Variants in PPP2R5C observed in about 807,000 individuals in gnomAD.
The protein encoded by PPP2R5C is protein phosphatase 2 regulatory subunit B'gamma, also known as serine/threonine-protein phosphatase 2A 56 kDa regulatory subunit gamma isoform.
PPP2R5C carries 7 observed loss-of-function variants against 68.9 expected under a neutral mutation model. The ratio of observed to expected loss-of-function variants is 0.10; its 90% CI spans 0.06 to 0.19. PPP2R5C has a LOEUF of 0.19. Among genes scored for constraint, PPP2R5C ranks in the 10% least tolerant of loss-of-function variants. PPP2R5C has a pLI of 1.00. For missense variants in PPP2R5C, 348 were observed against 641.3 expected (o/e 0.54, Z 4.94); for synonymous variants, 210 against 222.2 (o/e 0.95, Z 0.49).
At chr14:101,856,585 T>A in intron 1 of PPP2R5C, 101 bp from the exon 4 acceptor site, 1 of 1,140,930 alleles carries the variant, frequency 8.8e-7, no homozygotes, top group Non-Finnish European at 1.3e-6. Context: ...TTTTCTTGAA[T>A]CTCTATTCAA....
In PPP2R5C at chr14:101,917,838, T is replaced by A; in HGVS notation, c.1334T>A (p.Val445Glu). ...CCACGCTTTGCATTGCAGTACACAGTGTATAGTCAAGCCAGCACCATGAGC... is the reference window on the plus strand; with the variant it reads ...CCACGCTTTGCATTGCAGTACACAGAGTATAGTCAAGCCAGCACCATGAGC... The change falls in exon 13 of 14, where the codon GTG (valine) becomes GAG (glutamate). Residue 445 changes from valine to glutamate, a missense_variant. Physicochemically the swap from Val to Glu is moderately radical, Grantham distance 121. Coordinates refer to ENST00000334743, the Ensembl canonical transcript of PPP2R5C. This position sits in a 1 kb window ranked among gnomAD's most constrained non-coding sequence, Gnocchi z 4.4. The A allele has an allele frequency of 6.2e-7, 1 of 1,613,452 alleles. No individual in the cohort carries two copies. The highest frequency in any genetic ancestry group is 8.5e-7 in the Non-Finnish European group (1 of 1,179,580).
chr14:101,837,301 G>A lies in PPP2R5C; in HGVS notation c.95-19385G>A, dbSNP rs1226036293. Reference sequence around the variant, plus strand: ...TGGGATTACAGTCATGCACCACCACGCCCAGCTCATTTTGTATTTTTTTTT... The same window carrying A: ...TGGGATTACAGTCATGCACCACCACACCCAGCTCATTTTGTATTTTTTTTT... On this transcript the variant is annotated intron_variant, in intron 1 of 13. Coordinates refer to ENST00000334743, the Ensembl canonical transcript of PPP2R5C. Among the ~76,000 whole-genome samples the A allele has an allele frequency of 2.0e-5, 3 of 148,350 alleles. No individual in the cohort carries two copies. The East Asian group carries it at 5.9e-4, about 29-fold the overall frequency.
intron 13 of PPP2R5C, among the ~76,000 whole-genome samples, chr14:101,919,796 C>T (rs1299146426): frequency 6.6e-6 from 1 of 151,978 alleles, no homozygotes; most frequent in African/African-American, 2.4e-5. Context: ...GGGGAAACCC[C>T]ATCTCTACTA....
chr14:101,909,444 C>T (rs1013340671), intron 10 of PPP2R5C, 145 bp from the exon 13 acceptor site: 5 of 458,334 alleles, frequency 1.1e-5, no homozygotes, highest in African/African-American at 1.9e-5. Flanking sequence ...AAACAAGTAA[C>T]GCGGAATGAG....
chr14:101,861,816 T>G (rs2042756639), intron 2 of PPP2R5C, among the ~76,000 whole-genome samples: 1 of 152,196 alleles, frequency 6.6e-6, no homozygotes, highest in South Asian at 2.1e-4. Context: ...TTGGCAGGCA[T>G]CTTCTGAAAA....
upstream of PPP2R5C, chr14:101,761,827 G>T: frequency 2.0e-6 from 2 of 985,344 alleles, no homozygotes; most frequent in South Asian, 4.5e-5. Context: ...GGCCGGGGCG[G>T]GGGCGCTGCT....
Position 101,917,673 on chromosome 14 carries a change from C to T in PPP2R5C, c.1327-158C>T, listed in dbSNP as rs866130572. 3.5e-5 allele frequency: 31 copies of T among 891,388 alleles called. No individual in the cohort carries two copies. In the South Asian group the frequency reaches 5.0e-4, roughly 14 times the overall value. 55.2% of individuals were successfully genotyped at this position (891,388 alleles called of 1,614,324 possible). A position where few individuals can be genotyped will look rare whatever the true frequency, so the allele number is the denominator to read the frequency against. On this transcript the variant is annotated intron_variant, in intron 12 of 13. Transcript: ENST00000334743. The surrounding 1 kb of genome is among the most constrained non-coding windows in gnomAD (Gnocchi z 4.4). ...TTCTGGTTTCAGAAGTCAGCAGCCGCATCATGTTGCAGGTGTAGGCGAGTC... is the reference window on the plus strand; with the variant it reads ...TTCTGGTTTCAGAAGTCAGCAGCCGTATCATGTTGCAGGTGTAGGCGAGTC...
rs529328940 is a variant in PPP2R5C, at chr14:101,861,133, A to G, written c.294+4248A>G. Reference sequence around the variant, plus strand: ...CTAATTGTAGCTTTTAAAAAACTCAATGTAGTAAAAGTAAAGCTGCTTTGT... The same window carrying G: ...CTAATTGTAGCTTTTAAAAAACTCAGTGTAGTAAAAGTAAAGCTGCTTTGT... On this transcript the variant is annotated intron_variant, in intron 2 of 13. Coordinates refer to ENST00000334743, the Ensembl canonical transcript of PPP2R5C. Among the ~76,000 whole-genome samples, 13 of 152,360 alleles carry G rather than the reference A, an allele frequency of 8.5e-5. No homozygotes were observed. In the East Asian group the frequency reaches 9.6e-4, roughly 11 times the overall value.
chr14:101,883,692 C>A, intron 5 of PPP2R5C, 130 bp downstream of exon 7: 1 of 1,251,736 alleles, frequency 8.0e-7, no homozygotes, highest in Non-Finnish European at 1.1e-6. Context: ...GCCTATTTGT[C>A]ATGTGCAGGT....
rs1229939027 is a variant in PPP2R5C, at chr14:101,847,745, C to T, written c.95-8941C>T. ...TGGCGTGATCTCAGCTCACTGCAAC[C>T]TCCGCCTCCTGGGTTCAAGCGATTC... On this transcript the variant is annotated intron_variant, in intron 1 of 13. Coordinates refer to ENST00000334743, the Ensembl canonical transcript of PPP2R5C. Among the ~76,000 whole-genome samples the T allele has an allele frequency of 8.0e-5, 12 of 150,762 alleles. No homozygotes were observed. The East Asian group carries it at 1.6e-3, about 20-fold the overall frequency.
chr14:101,765,119 A>G (rs979649422), intron 2 of PPP2R5C: 45 of 702,394 alleles, frequency 6.4e-5, no homozygotes, highest in Non-Finnish European at 1.1e-4. Context: ...GTGCCTGAGT[A>G]TGATGCCCCA....
At chr14:101,765,108 A>C (rs115849581) in intron 2 of PPP2R5C, 144 of 701,540 alleles carry the variant, frequency 2.1e-4, no homozygotes, top group Non-Finnish European at 3.2e-4. Context: ...TGTGGCCTGC[A>C]GTGCCTGAGT....
chr14:101,925,415 C>T, exon 14 of PPP2R5C: 2 of 1,359,774 alleles, frequency 1.5e-6, no homozygotes, highest in South Asian at 1.5e-5. Flanking sequence ...GCGTCCGCCT[C>T]AGCGCGAGAT....
In PPP2R5C at chr14:101,891,856, A is replaced by G. The variant is rs543952952; in HGVS notation, c.690-1144A>G. Among the ~76,000 whole-genome samples the G allele has an allele frequency of 2.5e-4, 38 of 152,366 alleles. No individual in the cohort carries two copies. Among genetic ancestry groups the G allele is most frequent in the Non-Finnish European group, 4.7e-4 (32 of 68,028 alleles). On this transcript the variant is annotated intron_variant, in intron 6 of 13. Coordinates refer to ENST00000334743, the Ensembl canonical transcript of PPP2R5C. This position sits in a 1 kb window ranked among gnomAD's most constrained non-coding sequence, Gnocchi z 4.9. Reference sequence around the variant, plus strand: ...CTCCCGTTTGCCTAATTACAAAACCAAGACAATAAACTAGTTGTTTGAGAC... The same window carrying G: ...CTCCCGTTTGCCTAATTACAAAACCGAGACAATAAACTAGTTGTTTGAGAC...
chr14:101,924,751 G>C (rs1031783533), intron 13 of PPP2R5C, among the ~76,000 whole-genome samples: 2 of 151,932 alleles, frequency 1.3e-5, no homozygotes, highest in Non-Finnish European at 2.9e-5. Flanking sequence ...AGAAATTTCT[G>C]CTTCTTGAAA....
chr14:101,842,509 A>G (rs1250607719), intron 1 of PPP2R5C, among the ~76,000 whole-genome samples: 1 of 152,190 alleles, frequency 6.6e-6, no homozygotes. Flanking sequence ...GCGTGCACTC[A>G]TCAGGGTCCC....
chr14:101,813,448 G>A (rs570936428), intron 1 of PPP2R5C, among the ~76,000 whole-genome samples: 27 of 152,280 alleles, frequency 1.8e-4, no homozygotes, highest in African/African-American at 6.0e-4. Context: ...TTTGACTTTC[G>A]GAATTGCCTG....
At position 101,825,209 on chromosome 14, in the gene PPP2R5C, AGCGT is replaced by A. The variant is rs1407421170; in HGVS notation, c.94+15175_94+15178del. 1.2e-5 allele frequency among the ~76,000 whole-genome samples: 1 copy of A among 83,558 alleles called. No individual in the cohort carries two copies. Among genetic ancestry groups the A allele is most frequent in the Non-Finnish European group, 2.2e-5 (1 of 45,020 alleles). 54.8% of individuals were successfully genotyped at this position (83,558 alleles called of 152,430 possible). On this transcript the variant is annotated intron_variant, in intron 1 of 13. Transcript: ENST00000334743. The surrounding 1 kb of genome is among the most constrained non-coding windows in gnomAD (Gnocchi z 4.0). ...AGAGGGATAGGATAAGAGGGTTTTC[AGCGT>A]GTGTGTGTGTGTGTGTGTGTGTGTG... is the stretch of plus-strand genomic sequence containing the variant.
chr14:101,844,972 G>A (rs2041733748), intron 1 of PPP2R5C, among the ~76,000 whole-genome samples: 1 of 152,162 alleles, frequency 6.6e-6, no homozygotes, highest in African/African-American at 2.4e-5. Flanking sequence ...TGCACGAAGG[G>A]TGTTGAGCAT....
Sources: gnomAD v4.1 joint callset for allele counts (sites outside exome capture counted in the v4.1 genomes callset) on GRCh38, gnomAD v4.1.1 for gene constraint, Gnocchi (gnomAD v3.1) non-coding constraint, MANE v1.5 for transcripts, NCBI Gene and HGNC (gene_info 2026-07-23, HGNC 2026-07-21) for gene names.